Variants in LRRC37A observed in about 807,000 individuals in gnomAD.
LRRC37A encodes leucine rich repeat containing 37A.
In LRRC37A, 3 loss-of-function variants were observed where a neutral mutation model predicts 35.4. The observed-to-expected ratio is 0.08, with a 90% CI of 0.04 to 0.22. LRRC37A has a LOEUF of 0.22. Ranked by LOEUF, LRRC37A falls within the 10% of genes least tolerant of loss-of-function variation. The pLI is 1.00. For synonymous variants in LRRC37A, 23 were observed against 215.0 expected, an observed-to-expected ratio of 0.11 and a Z score of 7.81; for missense variants, 67 against 565.3, an observed-to-expected ratio of 0.12 and a Z score of 8.94.
chr17:46,261,992 C>A, the LRRC37A span, among the ~76,000 whole-genome samples: 30 of 152,292 alleles, frequency 2.0e-4, no homozygotes, highest in African/African-American at 7.2e-4. Flanking sequence ...CTCTGTTGCC[C>A]AGGCTGGAGT....
chr17:46,265,414 C>A, the LRRC37A span, among the ~76,000 whole-genome samples: 1 of 151,306 alleles, frequency 6.6e-6, no homozygotes, highest in African/African-American at 2.4e-5. Flanking sequence ...TCCTCCTCCT[C>A]CTCTTCCTAC....
At chr17:46,292,062 T>A (rs1050074790), upstream of LRRC37A, among the ~76,000 whole-genome samples, 14 of 142,346 alleles carry the variant, frequency 9.8e-5, 1 homozygote, top group African/African-American at 3.7e-4. Context: ...CCAGGCCCAG[T>A]GGCTCACACC....
At chr17:46,290,558 T>C (rs1233316966), upstream of LRRC37A, among the ~76,000 whole-genome samples, 2 of 152,286 alleles carry the variant, frequency 1.3e-5, no homozygotes, top group African/African-American at 4.8e-5. Flanking sequence ...GTGATTCTCC[T>C]CCCTCAGCCT....
At chr17:46,288,075 C>T (rs975571706), upstream of LRRC37A, among the ~76,000 whole-genome samples, 1 of 152,128 alleles carries the variant, frequency 6.6e-6, no homozygotes, top group Non-Finnish European at 1.5e-5. Context: ...GAATGGAAGT[C>T]GTCCTCAAGC....
the LRRC37A span, among the ~76,000 whole-genome samples, chr17:46,271,239 C>A: frequency 2.0e-5 from 3 of 149,576 alleles, no homozygotes; most frequent in Non-Finnish European, 2.9e-5. Context: ...GATGTCAGCT[C>A]ACCGCAACCT....
At chr17:46,258,395 G>C in the LRRC37A span, among the ~76,000 whole-genome samples, 7 of 152,092 alleles carry the variant, frequency 4.6e-5, no homozygotes, top group South Asian at 4.1e-4. Context: ...ATTTTTAATA[G>C]AGATGGGGTT....
the LRRC37A span, among the ~76,000 whole-genome samples, chr17:46,283,163 T>C: frequency 7.9e-5 from 12 of 152,318 alleles, no homozygotes; most frequent in East Asian, 2.1e-3. Context: ...TCAACTGTAA[T>C]AGATACTATC....
At chr17:46,285,031 T>C in the LRRC37A span, among the ~76,000 whole-genome samples, 6,580 of 151,858 alleles carry the variant, frequency 0.043, 161 homozygotes, top group Middle Eastern at 0.14. Flanking sequence ...GCCCAGCTAA[T>C]TTTTTATTTT....
the LRRC37A span, among the ~76,000 whole-genome samples, chr17:46,283,501 C>T: frequency 2.6e-5 from 4 of 152,330 alleles, no homozygotes; most frequent in African/African-American, 4.8e-5. Context: ...GTTTTAAATG[C>T]GATACATGAA....
At chr17:46,285,309 T>C in the LRRC37A span, among the ~76,000 whole-genome samples, 5 of 151,770 alleles carry the variant, frequency 3.3e-5, no homozygotes, top group Admixed American at 2.6e-4. Context: ...GGCTCGATCT[T>C]GGCTCACTGC....
At chr17:46,258,568 G>C in the LRRC37A span, among the ~76,000 whole-genome samples, 1 of 152,132 alleles carries the variant, frequency 6.6e-6, no homozygotes, top group Non-Finnish European at 1.5e-5. Context: ...TAAAAATGTG[G>C]AACCAGTCCA....
At chr17:46,272,202 G>A in the LRRC37A span, among the ~76,000 whole-genome samples, 1 of 152,238 alleles carries the variant, frequency 6.6e-6, no homozygotes, top group Non-Finnish European at 1.5e-5. Context: ...TTTTAGCCAA[G>A]GAAATCTACT....
At chr17:46,265,334 CCT>C in the LRRC37A span, among the ~76,000 whole-genome samples, 1 of 105,780 alleles carries the variant, frequency 9.5e-6, no homozygotes, top group Admixed American at 1.2e-4. Flanking sequence ...CTTTTTTTCT[CCT>C]CTTCTTCTTC....
chr17:46,271,016 T>TCACTCCA, the LRRC37A span, among the ~76,000 whole-genome samples: 5 of 152,338 alleles, frequency 3.3e-5, no homozygotes, highest in African/African-American at 9.6e-5. Context: ...TCCAAGTATC[T>TCACTCCA]AGAAATACCT....
upstream of LRRC37A, among the ~76,000 whole-genome samples, chr17:46,289,470 C>G (rs1407576362): frequency 2.6e-5 from 4 of 152,274 alleles, no homozygotes; most frequent in Admixed American, 2.6e-4. Context: ...TTGTACCCAG[C>G]CATAAGAATA....
exon 9 of LRRC37A, chr17:46,330,685 A>G: frequency 3.2e-6 from 1 of 308,714 alleles, no homozygotes. Flanking sequence ...ATGTGAAATC[A>G]CTGTTACTAC....
chr17:46,256,725 G>A, the LRRC37A span, among the ~76,000 whole-genome samples: 1 of 152,094 alleles, frequency 6.6e-6, no homozygotes, highest in Non-Finnish European at 1.5e-5. Context: ...AAATTCACTG[G>A]GGACACATCT....
At chr17:46,259,452 T>A in the LRRC37A span, 2 of 1,268,510 alleles carry the variant, frequency 1.6e-6, no homozygotes, top group South Asian at 2.5e-5. Flanking sequence ...CCTCCCCACC[T>A]TTGGGGGTCA....
chr17:46,252,137 TTC>T, the LRRC37A span, among the ~76,000 whole-genome samples: 18 of 152,348 alleles, frequency 1.2e-4, no homozygotes, highest in African/African-American at 2.2e-4. Context: ...TTGCATAAAA[TTC>T]TCTTTTTTAT....
Sources: gnomAD v4.1 joint callset for allele counts (sites outside exome capture counted in the v4.1 genomes callset) on GRCh38, gnomAD v4.1.1 for gene constraint, MANE v1.5 for transcripts, NCBI Gene and HGNC (gene_info 2026-07-23, HGNC 2026-07-21) for gene names.